USP31: variants seen among roughly 807,000 people sequenced by gnomAD.
The protein encoded by USP31 is ubiquitin specific peptidase 31.
USP31 carries 44 observed loss-of-function variants against 119.4 expected under a neutral mutation model. That is an observed-to-expected ratio of 0.37 (90% confidence interval 0.29 to 0.47). USP31 has a LOEUF of 0.47. USP31 is among the 20% of genes least tolerant of loss of function. The pLI is 0.99. For missense variants in USP31, 1,643 were observed against 1,730.2 expected (o/e 0.95, Z 0.89); for synonymous variants, 749 against 705.6 (o/e 1.06, Z -0.97).
At position 23,087,799 on chromosome 16, in the gene USP31, T is replaced by G; in HGVS notation, c.1452A>C (p.Thr484=). 1 of 1,614,024 alleles carries G rather than the reference T, an allele frequency of 6.2e-7. No individual in the cohort carries two copies. The highest frequency in any genetic ancestry group is 8.5e-7 in the Non-Finnish European group (1 of 1,180,022). Reference sequence around the variant, plus strand: ...CCTTCTGCAGAAGGTCCCAAGCTATTGTCTTCTCTAAGTGCAGCACAAAAG... The same window carrying G: ...CCTTCTGCAGAAGGTCCCAAGCTATGGTCTTCTCTAAGTGCAGCACAAAAG... ...GLPFVLHLEK[T]IAWDLLQKEI... is the part of the protein sequence containing the mutation. Residue 484 remains threonine (T), a synonymous_variant, in exon 8 of 16, where the codon ACA becomes ACC. Transcript: ENST00000219689.
In USP31 at chr16:23,061,484, T is replaced by C. The variant is rs147311750; in HGVS notation, c.*6562A>G. On this transcript the variant is annotated 3_prime_UTR_variant, in exon 16 of 16. Coordinates refer to ENST00000219689, the MANE Select transcript of USP31 (RefSeq NM_020718.4). ...TTCTCTTAATTCCAACTGTATACTA[T>C]ATAATCAACGCTGTTTCAGAAATAA... 12 of 152,774 alleles carry C rather than the reference T, an allele frequency of 7.9e-5. No individual in the cohort carries two copies. The East Asian group carries it at 1.7e-3, about 22-fold the overall frequency. The allele number at this position is 152,774 out of a possible 1,614,324, so 9.5% of individuals were successfully genotyped here.
intron 13 of USP31, among the ~76,000 whole-genome samples, chr16:23,078,367 C>T (rs1239088209): frequency 6.6e-6 from 1 of 150,792 alleles, no homozygotes; most frequent in African/African-American, 2.4e-5. Flanking sequence ...CATCAAGCTA[C>T]TTCTGTTACA....
intron 12 of USP31, 67 bp downstream of exon 12, chr16:23,082,371 C>A: frequency 6.9e-6 from 11 of 1,596,432 alleles, no homozygotes; most frequent in Non-Finnish European, 9.4e-6. Context: ...CTCACAGAGC[C>A]CATCAGCAGG....
chr16:23,146,966 TAA>T (rs35550112), intron 1 of USP31, among the ~76,000 whole-genome samples: 1,391 of 131,650 alleles, frequency 0.011, 17 homozygotes, highest in African/African-American at 0.033. Flanking sequence ...TTGTTCTGTT[TAA>T]AAAAAAAAAA....
chr16:23,083,290 TG>T (rs1384725465), intron 11 of USP31, among the ~76,000 whole-genome samples: 1 of 152,180 alleles, frequency 6.6e-6, no homozygotes, highest in Non-Finnish European at 1.5e-5. Context: ...TTGACAGTCT[TG>T]CCAAAGGGCT....
At chr16:23,074,486 A>G (rs1038366451) in intron 13 of USP31, among the ~76,000 whole-genome samples, 1 of 152,218 alleles carries the variant, frequency 6.6e-6, no homozygotes, top group African/African-American at 2.4e-5. Flanking sequence ...TTTAATCCTC[A>G]GATTTGTTCT....
intron 1 of USP31, among the ~76,000 whole-genome samples, chr16:23,123,581 C>T (rs913080761): frequency 2.0e-5 from 3 of 151,972 alleles, no homozygotes; most frequent in African/African-American, 7.2e-5. Flanking sequence ...AGAAAGTTGA[C>T]ATTAAAAAGG....
intron 6 of USP31, among the ~76,000 whole-genome samples, chr16:23,095,753 A>G (rs1006993708): frequency 2.6e-5 from 4 of 152,346 alleles, no homozygotes; most frequent in Non-Finnish European, 4.4e-5. Context: ...ACTAAGCTTC[A>G]TAAGTGAAGG....
chr16:23,149,072 G>C lies in USP31; in HGVS notation c.199C>G (p.Arg67Gly). ...SARSVGSFMS[R>G]VLKTLSTLSH... is the part of the protein sequence containing the mutation. ...AGCGTGGACAGCGTCTTGAGAACGC[G>C]GCTCATGAAGCTGCCCACCGAGCGT... Residue 67 changes from arginine to glycine, a missense_variant, in exon 1 of 16, where the codon CGC becomes GGC. Physicochemically the swap from Arg to Gly is moderately radical, Grantham distance 125. Transcript: ENST00000219689. 7.9e-7 allele frequency: 1 copy of C among 1,270,024 alleles called. No homozygotes were observed. The highest frequency in any genetic ancestry group is 1.0e-6 in the Non-Finnish European group (1 of 983,836). The allele number at this position is 1,270,024 out of a possible 1,614,324, so 78.7% of individuals were successfully genotyped here. A position where few individuals can be genotyped will look rare whatever the true frequency, so the allele number is the denominator to read the frequency against.
chr16:23,134,893 C>T (rs199581195), intron 1 of USP31, among the ~76,000 whole-genome samples: 1 of 414 alleles, frequency 2.4e-3, no homozygotes, highest in African/African-American at 7.8e-3. Flanking sequence ...TTACCTTATA[C>T]ACACACACAC....
intron 7 of USP31, among the ~76,000 whole-genome samples, chr16:23,090,165 G>A (rs1175229548): frequency 7.9e-5 from 12 of 152,056 alleles, no homozygotes; most frequent in East Asian, 5.8e-4. Flanking sequence ...CGGGCGGATC[G>A]TCTGAGGTCA....
rs1028775949 is a variant in USP31, at chr16:23,065,685, T to C, written c.*2361A>G. On this transcript the variant is annotated 3_prime_UTR_variant, in exon 16 of 16. Transcript: ENST00000219689. ...TCCCATGGAAAACCAAAGGGATTTG[T>C]AGAAACGTTTTTCCTTTTTTTTTTT... is the stretch of plus-strand genomic sequence containing the variant. 1 of 152,334 alleles carries C rather than the reference T, an allele frequency of 6.6e-6. No homozygotes were observed. The highest frequency in any genetic ancestry group is 1.5e-5 in the Non-Finnish European group (1 of 67,990). The allele number at this position is 152,334 out of a possible 1,614,324, so 9.4% of individuals were successfully genotyped here.
In USP31 at chr16:23,062,327, AAAAAC is replaced by A. The variant is rs772230155; in HGVS notation, c.*5714_*5718del. The A allele has an allele frequency of 1.3e-3, 205 of 152,718 alleles. No homozygotes were observed. The highest frequency in any genetic ancestry group is 4.5e-3 in the African/African-American group (189 of 41,566). The allele number at this position is 152,718 out of a possible 1,614,324, so 9.5% of individuals were successfully genotyped here. Reference sequence around the variant, plus strand: ...GTATTACTTAATGGTAAAACAAACAAAAAACAAAACAAAACAAAAACACGAAAAAA... The same window carrying A: ...GTATTACTTAATGGTAAAACAAACAAAAAACAAAACAAAAACACGAAAAAA... On this transcript the variant is annotated 3_prime_UTR_variant, in exon 16 of 16. Transcript: ENST00000219689.
intron 15 of USP31, among the ~76,000 whole-genome samples, chr16:23,070,287 T>G (rs1900290884): frequency 6.6e-6 from 1 of 152,118 alleles, no homozygotes; most frequent in South Asian, 2.1e-4. Context: ...CAGAACCCCT[T>G]CCCGCACCAC....
intron 1 of USP31, among the ~76,000 whole-genome samples, chr16:23,119,731 T>C (rs1235667837): frequency 1.3e-5 from 2 of 152,190 alleles, no homozygotes; most frequent in African/African-American, 4.8e-5. Flanking sequence ...GGCATGTTAT[T>C]TGAGAAATAA....
chr16:23,124,512 C>A (rs1902783285), intron 1 of USP31, among the ~76,000 whole-genome samples: 1 of 152,136 alleles, frequency 6.6e-6, no homozygotes, highest in Admixed American at 6.5e-5. Flanking sequence ...GGGACATACT[C>A]GTCAGTGAGT....
At chr16:23,118,665 G>A (rs766943543) in intron 1 of USP31, among the ~76,000 whole-genome samples, 4 of 152,116 alleles carry the variant, frequency 2.6e-5, no homozygotes, top group Non-Finnish European at 5.9e-5. Context: ...ACAGTGAACA[G>A]GAATAATGTC....
At chr16:23,072,222 A>G in intron 14 of USP31, 25 bp from the exon 15 acceptor site, 6 of 1,595,536 alleles carry the variant, frequency 3.8e-6, no homozygotes, top group Non-Finnish European at 5.1e-6. Flanking sequence ...ACAGGCATAG[A>G]GGTCAGGCTG....
chr16:23,089,776 T>C (rs573398460), intron 7 of USP31, among the ~76,000 whole-genome samples: 2 of 152,202 alleles, frequency 1.3e-5, no homozygotes, highest in East Asian at 3.9e-4. Context: ...TTAGACAAAT[T>C]TGAGAGAGAT....
Sources: gnomAD v4.1 joint callset for allele counts (sites outside exome capture counted in the v4.1 genomes callset) on GRCh38, gnomAD v4.1.1 for gene constraint, MANE v1.5 for transcripts, NCBI Gene and HGNC (gene_info 2026-07-23, HGNC 2026-07-21) for gene names.